Variants in CARM1 observed in about 807,000 individuals in gnomAD.
CARM1 encodes the protein coactivator associated arginine methyltransferase 1, also known as histone-arginine methyltransferase CARM1.
In CARM1, 14 loss-of-function variants were observed where a neutral mutation model predicts 72.7. The ratio of observed to expected loss-of-function variants is 0.19; its 90% CI spans 0.13 to 0.30. The LOEUF is 0.30. CARM1 is among the 10% of genes least tolerant of loss of function. The pLI is 1.00. For missense variants in CARM1, 432 were observed against 833.7 expected, an observed-to-expected ratio of 0.52 and a Z score of 5.93; for synonymous variants, 333 against 345.5, an observed-to-expected ratio of 0.96 and a Z score of 0.40.
intron 6 of CARM1, among the ~76,000 whole-genome samples, chr19:10,914,998 C>T (rs2145237585): frequency 1.3e-5 from 2 of 152,292 alleles, no homozygotes; most frequent in South Asian, 4.1e-4. Context: ...GTGCGTGTGG[C>T]AGGGTACAGG....
rs574481750 is a variant in CARM1 at position 10,922,179 on chromosome 19, C to T, written c.*422C>T. On this transcript the variant is annotated 3_prime_UTR_variant, in exon 16 of 16. Coordinates refer to ENST00000327064, the MANE Select transcript of CARM1 (RefSeq NM_199141.2). ...TTCGACGACCAGGCCTCGGTCACAA[C>T]GGACGTGACATGCTGCTTTTTTTAA... 31 of 162,410 alleles carry T rather than the reference C, an allele frequency of 1.9e-4. No individual in the cohort carries two copies. The highest frequency in any genetic ancestry group is 6.0e-3 in the Middle Eastern group (2 of 332). 10.1% of individuals were successfully genotyped at this position (162,410 alleles called of 1,614,324 possible). A position where few individuals can be genotyped will look rare whatever the true frequency, so the allele number is the denominator to read the frequency against.
chr19:10,892,052 G>A (rs534185217), intron 1 of CARM1, among the ~76,000 whole-genome samples: 46 of 152,306 alleles, frequency 3.0e-4, no homozygotes, highest in African/African-American at 5.8e-4. Flanking sequence ...CCTGTGGTGC[G>A]TAGGTTTTAC....
chr19:10,919,827 C>G (rs559893092), intron 9 of CARM1, 50 bp from the exon 10 acceptor site: 1 of 1,536,804 alleles, frequency 6.5e-7, no homozygotes, highest in Admixed American at 1.7e-5. Flanking sequence ...TCTTCTCTCT[C>G]GGCAGCGCCT....
rs182139988 is a variant in CARM1, at chr19:10,916,548, G to A, written c.938+51G>A. The A allele has an allele frequency of 1.1e-5, 17 of 1,486,028 alleles. No homozygotes were observed. The Admixed American group carries it at 2.9e-4, about 25-fold the overall frequency. The allele number at this position is 1,486,028 out of a possible 1,614,324, so 92.1% of individuals were successfully genotyped here. A position where few individuals can be genotyped will look rare whatever the true frequency, so the allele number is the denominator to read the frequency against. On this transcript the variant is annotated intron_variant, in intron 7 of 15. Coordinates refer to ENST00000327064, the MANE Select transcript of CARM1 (RefSeq NM_199141.2). The surrounding 1 kb of genome is among the most constrained non-coding windows in gnomAD (Gnocchi z 4.4). Reference sequence around the variant, plus strand: ...TGGGCCCCACAGCCTGCCTTCTCAGGGACAGCCCCAGCTCCCCAGAGAGCC... The same window carrying A: ...TGGGCCCCACAGCCTGCCTTCTCAGAGACAGCCCCAGCTCCCCAGAGAGCC...
At chr19:10,904,834 C>G (rs2074091003) in intron 1 of CARM1, 117 bp from the exon 2 acceptor site, 1 of 1,416,662 alleles carries the variant, frequency 7.1e-7, no homozygotes, top group Admixed American at 1.9e-5. Context: ...TTTTGTGGCA[C>G]TCTGGAAGAA....
intron 1 of CARM1, among the ~76,000 whole-genome samples, chr19:10,892,632 C>A (rs1212917548): frequency 6.6e-6 from 1 of 152,224 alleles, no homozygotes; most frequent in Non-Finnish European, 1.5e-5. Context: ...ACAGCAGCTG[C>A]TCTTGTTTAT....
intron 4 of CARM1, among the ~76,000 whole-genome samples, chr19:10,909,964 C>T (rs904086076): frequency 2.6e-5 from 4 of 151,804 alleles, no homozygotes; most frequent in African/African-American, 9.7e-5. Context: ...TAGCTCACAC[C>T]TGTCTGTAAT....
At position 10,916,372 on chromosome 19, in the gene CARM1, C is replaced by G. The variant is rs909004300; in HGVS notation, c.848-35C>G. Reference sequence around the variant, plus strand: ...CTGCCAGGCAGTGTGGGATGTGTCACCTGACGCCAGCACCCCTCCCTGCCC... The same window carrying G: ...CTGCCAGGCAGTGTGGGATGTGTCAGCTGACGCCAGCACCCCTCCCTGCCC... On this transcript the variant is annotated intron_variant, in intron 6 of 15. Coordinates refer to ENST00000327064, the MANE Select transcript of CARM1 (RefSeq NM_199141.2). The surrounding 1 kb of genome is among the most constrained non-coding windows in gnomAD (Gnocchi z 4.4). 32 of 1,453,144 alleles carry G rather than the reference C, an allele frequency of 2.2e-5. No homozygotes were observed. Among genetic ancestry groups the G allele is most frequent in the Non-Finnish European group, 3.0e-5 (31 of 1,035,446 alleles). 90.0% of individuals were successfully genotyped at this position (1,453,144 alleles called of 1,614,324 possible). A position where few individuals can be genotyped will look rare whatever the true frequency, so the allele number is the denominator to read the frequency against.
rs868638712 is a variant in CARM1, at chr19:10,916,728, C to T, written c.971C>T (p.Ser324Leu). The T allele has an allele frequency of 5.1e-6, 8 of 1,557,044 alleles. No homozygotes were observed. The highest frequency in any genetic ancestry group is 2.7e-5 in the African/African-American group (2 of 73,552). ...YQPSFHGVDLSALRGAAVDEY... is the reference protein window; with the variant it reads ...YQPSFHGVDLLALRGAAVDEY... ...CCATCTTTCCATGGAGTGGACCTGTCGGCCCTCCGAGGTGCCGCGGTGGAT... is the reference window on the plus strand; with the variant it reads ...CCATCTTTCCATGGAGTGGACCTGTTGGCCCTCCGAGGTGCCGCGGTGGAT... Residue 324 changes from serine to leucine, a missense_variant, in exon 8 of 16, where the codon TCG becomes TTG. Around this residue, in one of 3 missense-constraint regions of CARM1, gnomAD observed 152 missense variants for 452.8 expected, o/e 0.34. Coordinates refer to ENST00000327064, the MANE Select transcript of CARM1 (RefSeq NM_199141.2). This position sits in a 1 kb window ranked among gnomAD's most constrained non-coding sequence, Gnocchi z 4.4.
intron 1 of CARM1, among the ~76,000 whole-genome samples, chr19:10,881,560 G>A (rs147270262): frequency 9.2e-5 from 14 of 152,202 alleles, no homozygotes; most frequent in Middle Eastern, 6.8e-3. Context: ...GGCGGTCACT[G>A]GATTTCTGAG....
In CARM1 at chr19:10,920,123, GGTGTGTGTGTGTGT is replaced by G. The variant is rs55667142; in HGVS notation, c.1196+164_1196+177del. 3.3e-5 allele frequency among the ~76,000 whole-genome samples: 5 copies of G among 149,934 alleles called. No homozygotes were observed. Among genetic ancestry groups the G allele is most frequent in the Admixed American group, 2.0e-4 (3 of 15,068 alleles). On this transcript the variant is annotated intron_variant, in intron 10 of 15. Transcript: ENST00000327064. The surrounding 1 kb of genome is among the most constrained non-coding windows in gnomAD (Gnocchi z 5.3). Reference sequence around the variant, plus strand: ...CGGAGCAAGAGACTGTTGTGGGTGGGGTGTGTGTGTGTGTGTGTGTATGTGTGTGTGTGTCCTGT... The same window carrying G: ...CGGAGCAAGAGACTGTTGTGGGTGGGGTGTGTATGTGTGTGTGTGTCCTGT...
intron 1 of CARM1, among the ~76,000 whole-genome samples, chr19:10,889,880 C>A (rs1055756288): frequency 6.6e-6 from 1 of 152,176 alleles, no homozygotes. Context: ...GAATGAAGCC[C>A]CCCATCCAAT....
intron 8 of CARM1, among the ~76,000 whole-genome samples, chr19:10,918,002 A>G (rs1336701103): frequency 6.6e-6 from 1 of 151,612 alleles, no homozygotes; most frequent in Non-Finnish European, 1.5e-5. Context: ...GTGAGCCACC[A>G]TGCCCAGCGT....
chr19:10,907,841 A>C (rs1325618915), intron 2 of CARM1, among the ~76,000 whole-genome samples, 198 bp from the exon 3 acceptor site: 1 of 152,214 alleles, frequency 6.6e-6, no homozygotes, highest in Non-Finnish European at 1.5e-5. Flanking sequence ...TTCTCATGTC[A>C]GTCACCACAG....
At position 10,908,160 on chromosome 19, in the gene CARM1, C is replaced by A. The variant is rs1319980492; in HGVS notation, c.453+15C>A. Reference sequence around the variant, plus strand: ...AGTACTTCCAGGTGGGTTGTACTCCCCCTCAGCCAGGCCGCCTCCCCCCGG... The same window carrying A: ...AGTACTTCCAGGTGGGTTGTACTCCACCTCAGCCAGGCCGCCTCCCCCCGG... On this transcript the variant is annotated intron_variant, in intron 3 of 15. Transcript: ENST00000327064. 2.5e-6 allele frequency: 4 copies of A among 1,577,922 alleles called. No individual in the cohort carries two copies. The highest frequency in any genetic ancestry group is 3.5e-6 in the Non-Finnish European group (4 of 1,147,318).
At chr19:10,890,576 A>C (rs1004927359) in intron 1 of CARM1, among the ~76,000 whole-genome samples, 1 of 150,866 alleles carries the variant, frequency 6.6e-6, no homozygotes, top group Non-Finnish European at 1.5e-5. Flanking sequence ...CCTAGCCTAA[A>C]AATTAGTTTT....
chr19:10,871,906 C>G lies in CARM1; in HGVS notation c.204C>G (p.Gly68=). Residue 68 remains glycine, a synonymous_variant, in exon 1 of 16, where the codon GGC becomes GGG. Transcript: ENST00000327064. The surrounding 1 kb of genome is among the most constrained non-coding windows in gnomAD (Gnocchi z 5.6). ...LEVRAGPDSA[G]IALYSHEDVC... is the part of the protein sequence containing the mutation. ...TGCGCGCCGGCCCGGACTCGGCGGG[C>G]ATCGCCCTCTACAGCCGTGAGTACG... 8.2e-7 allele frequency: 1 copy of G among 1,224,486 alleles called. No individual in the cohort carries two copies. Among genetic ancestry groups the G allele is most frequent in the Non-Finnish European group, 1.0e-6 (1 of 979,692 alleles). The allele number at this position is 1,224,486 out of a possible 1,614,324, so 75.9% of individuals were successfully genotyped here.
Position 10,871,798 on chromosome 19 carries a change from C to T in CARM1, c.96C>T (p.Phe32=), listed in dbSNP as rs1239252049. The change falls in exon 1 of 16, where the codon TTC becomes TTT. Residue 32 remains phenylalanine, a synonymous_variant. Transcript: ENST00000327064. This position sits in a 1 kb window ranked among gnomAD's most constrained non-coding sequence, Gnocchi z 5.6. ...GGCCCTGCGCTACCGTGTCGGTGTT[C>T]CCCGGCGCCCGCCTCCTCACCATCG... is the stretch of plus-strand genomic sequence containing the variant. ...GAGPCATVSV[F]PGARLLTIGD... The T allele has an allele frequency of 8.1e-7, 1 of 1,229,674 alleles. No individual in the cohort carries two copies. Among genetic ancestry groups the T allele is most frequent in the Non-Finnish European group, 1.0e-6 (1 of 979,574 alleles). 76.2% of individuals were successfully genotyped at this position (1,229,674 alleles called of 1,614,324 possible).
chr19:10,914,187 C>G (rs149541322), intron 6 of CARM1, 133 bp downstream of exon 6: 90 of 898,172 alleles, frequency 1.0e-4, no homozygotes, highest in Non-Finnish European at 1.5e-4. Context: ...GCTTTTCCCC[C>G]GCTCCCACCC....
Sources: gnomAD v4.1 joint callset for allele counts (sites outside exome capture counted in the v4.1 genomes callset) on GRCh38, gnomAD v4.1.1 for gene constraint, gnomAD v4.1.1 regional missense constraint, Gnocchi (gnomAD v3.1) non-coding constraint, MANE v1.5 for transcripts, NCBI Gene and HGNC (gene_info 2026-07-23, HGNC 2026-07-21) for gene names.